Variants in PDE8B observed in about 807,000 individuals in gnomAD.
PDE8B encodes the protein phosphodiesterase 8B, also known as high affinity cAMP-specific and IBMX-insensitive 3',5'-cyclic phosphodiesterase 8B.
A neutral mutation model predicts 101.3 loss-of-function variants in PDE8B; 26 were observed. That is an observed-to-expected ratio of 0.26 (90% confidence interval 0.19 to 0.36). The LOEUF is 0.36. Ranked by LOEUF, PDE8B falls within the 10% of genes least tolerant of loss-of-function variation. The probability of loss-of-function intolerance (pLI) is 1.00; values close to 1 mark genes in which losing one functional copy is unlikely to be tolerated. For synonymous variants in PDE8B, 424 were observed against 429.3 expected, an observed-to-expected ratio of 0.99 and a Z score of 0.15; for missense variants, 810 against 1,163.1, an observed-to-expected ratio of 0.70 and a Z score of 4.42.
At chr5:77,302,999 T>C (rs953648781) in intron 1 of PDE8B, among the ~76,000 whole-genome samples, 5 of 152,192 alleles carry the variant, frequency 3.3e-5, no homozygotes, top group East Asian at 1.9e-4. Flanking sequence ...ACCCCATCTA[T>C]ATTCTGAGGA....
At chr5:77,089,013 G>A in the PDE8B span, among the ~76,000 whole-genome samples, 1 of 152,128 alleles carries the variant, frequency 6.6e-6, no homozygotes, top group African/African-American at 2.4e-5. Context: ...TTCCAATAAT[G>A]GTTTTGGAGG....
the PDE8B span, among the ~76,000 whole-genome samples, chr5:77,125,277 C>A: frequency 2.0e-5 from 3 of 152,142 alleles, no homozygotes; most frequent in Non-Finnish European, 4.4e-5. Context: ...GCTTGGATTA[C>A]CACGCCCCAC....
Position 77,411,721 on chromosome 5 carries a change from A to T in PDE8B, c.1576A>T (p.Asn526Tyr). Residue 526 changes from asparagine to tyrosine, a missense_variant and splice_region_variant, in exon 15 of 22, where the codon AAT (asparagine) becomes TAT (tyrosine). Physicochemically the swap from Asn to Tyr is moderately radical, Grantham distance 143. Transcript: ENST00000264917. ...AGGAAACGAGTATGTGTTTACTAAG[A>T]GTAAGTTTTCATCTATTTACTTGTT... ...LSGNEYVFTK[N>Y]VHQSHSHLAM... 1 of 1,607,678 alleles carries T rather than the reference A, an allele frequency of 6.2e-7. No individual in the cohort carries two copies. The highest frequency in any genetic ancestry group is 2.2e-5 in the East Asian group (1 of 44,844).
At chr5:77,201,724 A>G in the PDE8B span, among the ~76,000 whole-genome samples, 3 of 152,206 alleles carry the variant, frequency 2.0e-5, no homozygotes, top group Non-Finnish European at 4.4e-5. Flanking sequence ...ATTCGTTTTC[A>G]GTAAGGTCCA....
intron 10 of PDE8B, among the ~76,000 whole-genome samples, chr5:77,372,152 A>G (rs1206107428): frequency 6.6e-6 from 1 of 152,164 alleles, no homozygotes; most frequent in Non-Finnish European, 1.5e-5. Context: ...GTGAGCTGAG[A>G]TTGTGCCACT....
chr5:77,235,103 C>T (rs1754400723), intron 1 of PDE8B, among the ~76,000 whole-genome samples: 1 of 152,152 alleles, frequency 6.6e-6, no homozygotes, highest in African/African-American at 2.4e-5. Flanking sequence ...GGCCTACAAT[C>T]TGTTGTTTGT....
Position 77,302,703 on chromosome 5 carries a change from A to AT in PDE8B, c.340-9291_340-9290insT, listed in dbSNP as rs1770247742. 2.6e-5 allele frequency among the ~76,000 whole-genome samples: 4 copies of AT among 152,196 alleles called. No homozygotes were observed. In the South Asian group the frequency reaches 8.3e-4, roughly 32 times the overall value. Reference sequence around the variant, plus strand: ...AACAGTCTGAGATATAAGTAAATACACAAATAAGAGCATGGCCTTCCCAGT... The same window carrying AT: ...AACAGTCTGAGATATAAGTAAATACATCAAATAAGAGCATGGCCTTCCCAGT... On this transcript the variant is annotated intron_variant, in intron 1 of 21. Coordinates refer to ENST00000264917, the MANE Select transcript of PDE8B (RefSeq NM_003719.5).
Position 77,375,889 on chromosome 5 carries a change from C to CT in PDE8B, c.1167+22503dup, listed in dbSNP as rs70988668. Among the ~76,000 whole-genome samples, 290 of 108,312 alleles carry CT rather than the reference C, an allele frequency of 2.7e-3. 3 individuals carry two copies. The highest frequency in any genetic ancestry group is 0.012 in the East Asian group (45 of 3,752). 71.1% of individuals were successfully genotyped at this position (108,312 alleles called of 152,430 possible). Reference sequence around the variant, plus strand: ...TAATACTCACTTTGTGCCTTGATTTCTTTTTTTTTTTTTTTTTTTTGAGGC... The same window carrying CT: ...TAATACTCACTTTGTGCCTTGATTTCTTTTTTTTTTTTTTTTTTTTTGAGGC... On this transcript the variant is annotated intron_variant, in intron 10 of 21. Transcript: ENST00000264917.
At chr5:77,364,928 GAA>G (rs1336820123) in intron 10 of PDE8B, among the ~76,000 whole-genome samples, 2 of 152,186 alleles carry the variant, frequency 1.3e-5, no homozygotes, top group Admixed American at 6.5e-5. Flanking sequence ...TGGAACTGTT[GAA>G]AAGAGTTTAA....
chr5:77,167,248 C>T, the PDE8B span, among the ~76,000 whole-genome samples: 1 of 152,150 alleles, frequency 6.6e-6, no homozygotes, highest in African/African-American at 2.4e-5. Flanking sequence ...CCCTGCTTGT[C>T]AACACTCCTC....
chr5:77,351,260 G>A, intron 9 of PDE8B, 107 bp downstream of exon 9: 1 of 843,798 alleles, frequency 1.2e-6, no homozygotes, highest in South Asian at 1.4e-5. Context: ...AAATGCAGTA[G>A]GGTTGTGCTG....
chr5:77,342,069 A>T (rs954508005), intron 6 of PDE8B, among the ~76,000 whole-genome samples: 1 of 152,218 alleles, frequency 6.6e-6, no homozygotes, highest in Non-Finnish European at 1.5e-5. Flanking sequence ...CTCCGCACGC[A>T]TACCTCACTA....
chr5:77,263,791 T>G (rs1761113143), intron 1 of PDE8B, among the ~76,000 whole-genome samples: 1 of 152,166 alleles, frequency 6.6e-6, no homozygotes, highest in African/African-American at 2.4e-5. Context: ...TATTGAGAAA[T>G]AATTTACCAC....
chr5:77,325,430 A>G (rs1775865880), intron 2 of PDE8B, 109 bp from the exon 3 acceptor site: 1 of 994,762 alleles, frequency 1.0e-6, no homozygotes, highest in Non-Finnish European at 1.6e-6. Context: ...CAGCCTCCCA[A>G]AGAGCTGGGA....
chr5:77,380,718 C>T (rs1472272364), intron 10 of PDE8B, among the ~76,000 whole-genome samples: 1 of 152,174 alleles, frequency 6.6e-6, no homozygotes, highest in East Asian at 1.9e-4. Context: ...GAGACATAAC[C>T]CCTGCCTACA....
the PDE8B span, among the ~76,000 whole-genome samples, chr5:77,098,071 C>T: frequency 0.23 from 34,415 of 151,448 alleles, 4,594 homozygotes; most frequent in Admixed American, 0.34. Flanking sequence ...ATTTGAGGGC[C>T]GACTGCAGGA....
chr5:77,168,904 C>G, the PDE8B span, among the ~76,000 whole-genome samples: 1 of 152,194 alleles, frequency 6.6e-6, no homozygotes, highest in Non-Finnish European at 1.5e-5. Context: ...GCCTCTAACT[C>G]CAGAGAAATC....
At chr5:77,289,810 A>G (rs1460218644) in intron 1 of PDE8B, among the ~76,000 whole-genome samples, 1 of 152,174 alleles carries the variant, frequency 6.6e-6, no homozygotes, top group Non-Finnish European at 1.5e-5. Context: ...TCTTGTGGGA[A>G]GAGGGTGGGT....
chr5:77,220,592 TG>T (rs1750895010), intron 1 of PDE8B, among the ~76,000 whole-genome samples: 3 of 152,286 alleles, frequency 2.0e-5, no homozygotes, highest in Admixed American at 2.0e-4. Context: ...TATAGAAACA[TG>T]TTATATGTGG....
Sources: gnomAD v4.1 joint callset for allele counts (sites outside exome capture counted in the v4.1 genomes callset) on GRCh38, gnomAD v4.1.1 for gene constraint, MANE v1.5 for transcripts, NCBI Gene and HGNC (gene_info 2026-07-23, HGNC 2026-07-21) for gene names.